SUPT6H: variants seen among roughly 807,000 people sequenced by gnomAD.
The protein encoded by SUPT6H is SPT6 homolog, histone chaperone and transcription elongation factor.
SUPT6H carries 11 observed loss-of-function variants against 222.3 expected under a neutral mutation model. The observed-to-expected ratio is 0.05, with a 90% CI of 0.03 to 0.08. The LOEUF (loss-of-function observed/expected upper bound fraction) is 0.08, where lower values mean the gene tolerates loss of function less well. SUPT6H is among the 10% of genes least tolerant of loss of function. The pLI is 1.00. For synonymous variants in SUPT6H, 762 were observed against 801.2 expected (o/e 0.95, Z 0.83); for missense variants, 1,422 against 2,216.0 (o/e 0.64, Z 7.19).
At chr17:28,673,572 T>A in intron 2 of SUPT6H, 62 bp downstream of exon 2, 1 of 1,295,902 alleles carries the variant, frequency 7.7e-7, no homozygotes, top group Non-Finnish European at 1.1e-6. Flanking sequence ...AGTTGGATTC[T>A]TGCTGATGAA....
chr17:28,684,632 G>A lies in SUPT6H; in HGVS notation c.2276G>A (p.Arg759Gln), dbSNP rs1174837865. 4 of 1,614,004 alleles carry A rather than the reference G, an allele frequency of 2.5e-6. No homozygotes were observed. Among genetic ancestry groups the A allele is most frequent in the Non-Finnish European group, 3.4e-6 (4 of 1,180,042 alleles). ...LYNWLRVAPY[R>Q]PDQQVEEDDD... ...AATTGGTTGAGAGTGGCACCCTACC[G>A]ACCAGATCAGCAGGTGGAAGAAGAT... The change falls in exon 18 of 37, where the codon CGA becomes CAA. Residue 759 changes from arginine to glutamine, a missense_variant. By Grantham distance (43) the Arg-to-Gln change is conservative. Around this residue, in one of 13 missense-constraint regions of SUPT6H, gnomAD observed 294 missense variants for 382.1 expected, o/e 0.77. Transcript: ENST00000314616.
rs531080972 is a variant in SUPT6H, at chr17:28,690,001, G to A, written c.3343-81G>A. The A allele has an allele frequency of 5.9e-6, 9 of 1,523,316 alleles. No homozygotes were observed. In the African/African-American group the frequency reaches 6.9e-5, roughly 12 times the overall value. The allele number at this position is 1,523,316 out of a possible 1,614,324, so 94.4% of individuals were successfully genotyped here. Reference sequence around the variant, plus strand: ...ACAGAAACTTACTCCCATCTGGAGAGGCCCGCCCCTTCCACGGGACTCCTT... The same window carrying A: ...ACAGAAACTTACTCCCATCTGGAGAAGCCCGCCCCTTCCACGGGACTCCTT... On this transcript the variant is annotated intron_variant, in intron 25 of 36. Coordinates refer to ENST00000314616, the MANE Select transcript of SUPT6H (RefSeq NM_003170.5).
At chr17:28,667,417 ATATATATATATATATATATG>A (rs1597683335) in intron 1 of SUPT6H, among the ~76,000 whole-genome samples, 2 of 129,818 alleles carry the variant, frequency 1.5e-5, no homozygotes, top group Non-Finnish European at 3.2e-5. Flanking sequence ...ATATATATAT[ATATATATATATATATATATG>A]TATGTGTGTG....
Position 28,676,272 on chromosome 17 carries a change from G to T in SUPT6H, c.739G>T (p.Ala247Ser). ...EEEYEYEDDE[A>S]EGEIRVRPKK... Reference sequence around the variant, plus strand: ...AGAGTATGAGTATGAGGATGATGAGGCTGAGGGTGAAATCCGAGTGCGCCC... The same window carrying T: ...AGAGTATGAGTATGAGGATGATGAGTCTGAGGGTGAAATCCGAGTGCGCCC... The change falls in exon 7 of 37, where the codon GCT becomes TCT. Residue 247 changes from alanine (A) to serine (S), a missense_variant. This residue lies in a region of SUPT6H where 389 missense variants were observed against 544.6 expected (regional missense o/e 0.71). Coordinates refer to ENST00000314616, the MANE Select transcript of SUPT6H (RefSeq NM_003170.5). 2 of 1,613,936 alleles carry T rather than the reference G, an allele frequency of 1.2e-6. No homozygotes were observed. Among genetic ancestry groups the T allele is most frequent in the Non-Finnish European group, 1.7e-6 (2 of 1,179,988 alleles).
At chr17:28,687,613 G>C in intron 23 of SUPT6H, 142 bp downstream of exon 23, 2 of 973,236 alleles carry the variant, frequency 2.1e-6, no homozygotes, top group Admixed American at 5.3e-5. Flanking sequence ...AGAGTCAAAA[G>C]AGTCTGACTT....
chr17:28,685,472 C>CATT (rs3076012), intron 19 of SUPT6H, among the ~76,000 whole-genome samples: 4,750 of 144,358 alleles, frequency 0.033, 122 homozygotes, highest in African/African-American at 0.073. Flanking sequence ...TTATTATTAT[C>CATT]ATTATTATTA....
chr17:28,677,683 T>C (rs369215554), intron 7 of SUPT6H, 32 bp from the exon 8 acceptor site: 11 of 1,507,272 alleles, frequency 7.3e-6, no homozygotes, highest in African/African-American at 1.4e-5. Context: ...CAAGATAAAG[T>C]CCGTCTCACC....
intron 1 of SUPT6H, 91 bp from the exon 2 acceptor site, chr17:28,673,280 G>C (rs2030541930): frequency 2.9e-6 from 2 of 686,660 alleles, no homozygotes; most frequent in Non-Finnish European, 5.2e-6. Flanking sequence ...AGCAGTGGCA[G>C]GTTGCTAAAA....
In SUPT6H at chr17:28,683,336, A is replaced by G; in HGVS notation, c.1947A>G (p.Arg649=). The change falls in exon 16 of 37, where the codon AGA becomes AGG. Residue 649 remains arginine (R), a synonymous_variant. Coordinates refer to ENST00000314616, the MANE Select transcript of SUPT6H (RefSeq NM_003170.5). ...AGAACAAGCCTGTTAAGGAACTGAG[A>G]GATGACCAGTTTCTCAAGATATGCC... ...YLKNKPVKEL[R]DDQFLKICLA... 8 of 1,614,184 alleles carry G rather than the reference A, an allele frequency of 5.0e-6. No homozygotes were observed. Among genetic ancestry groups the G allele is most frequent in the Non-Finnish European group, 6.8e-6 (8 of 1,180,040 alleles).
chr17:28,699,281 T>G (rs2032043725), intron 32 of SUPT6H, among the ~76,000 whole-genome samples: 1 of 152,132 alleles, frequency 6.6e-6, no homozygotes. Context: ...GTGTCATATG[T>G]GGTGAATGGC....
chr17:28,672,072 A>AC (rs1567685992), intron 1 of SUPT6H, among the ~76,000 whole-genome samples: 1 of 152,244 alleles, frequency 6.6e-6, no homozygotes, highest in East Asian at 1.9e-4. Flanking sequence ...AATGCTCCCA[A>AC]CCAGTACTCA....
At chr17:28,695,605 A>G in intron 29 of SUPT6H, 58 bp downstream of exon 29, 3 of 1,546,330 alleles carry the variant, frequency 1.9e-6, no homozygotes, top group Non-Finnish European at 2.6e-6. Context: ...CTCCCAGTGC[A>G]GGATTCAGGC....
chr17:28,687,595 A>G, intron 23 of SUPT6H, 124 bp downstream of exon 23: 1 of 1,087,818 alleles, frequency 9.2e-7, no homozygotes, highest in Non-Finnish European at 1.3e-6. Flanking sequence ...AAAATCACTC[A>G]GCTAGTGAGA....
chr17:28,681,377 C>G lies in SUPT6H; in HGVS notation c.1471C>G (p.Arg491Gly). ...CAAAGCTAGCCGCAAGAAGCTGAAGCGTGTCAGGGAAGAGGGAGATGAAGA... is the reference window on the plus strand; with the variant it reads ...CAAAGCTAGCCGCAAGAAGCTGAAGGGTGTCAGGGAAGAGGGAGATGAAGA... ...AAKASRKKLKRVREEGDEEGE... is the reference protein window; with the variant it reads ...AAKASRKKLKGVREEGDEEGE... Residue 491 changes from arginine to glycine, a missense_variant, in exon 12 of 37, where the codon CGT becomes GGT. Transcript: ENST00000314616. The G allele has an allele frequency of 6.2e-7, 1 of 1,609,054 alleles. No individual in the cohort carries two copies. The highest frequency in any genetic ancestry group is 8.5e-7 in the Non-Finnish European group (1 of 1,177,998).
intron 9 of SUPT6H, 147 bp from the exon 10 acceptor site, chr17:28,678,398 C>A: frequency 1.1e-6 from 1 of 884,044 alleles, no homozygotes; most frequent in Admixed American, 2.5e-5. Flanking sequence ...AGGAAAGCAC[C>A]AGGCCCTGGA....
chr17:28,698,042 T>G lies in SUPT6H; in HGVS notation c.4448+12T>G, dbSNP rs1434679948. The G allele has an allele frequency of 6.2e-7, 1 of 1,604,134 alleles. No individual in the cohort carries two copies. The highest frequency in any genetic ancestry group is 8.5e-7 in the Non-Finnish European group (1 of 1,179,138). The stretch of plus-strand genomic sequence containing the variant: ...CGGGGTAAACCCAGGTGAGCACTAG[T>G]GCTGAGAAGGTGCTGCCACTGGGGT... On this transcript the variant is annotated intron_variant, in intron 32 of 36. Transcript: ENST00000314616.
Position 28,673,424 on chromosome 17 carries a change from A to T in SUPT6H, c.23A>T (p.Glu8Val). 1 of 1,614,090 alleles carries T rather than the reference A, an allele frequency of 6.2e-7. No homozygotes were observed. The highest frequency in any genetic ancestry group is 1.1e-5 in the South Asian group (1 of 91,064). The part of the protein sequence containing the change: MSDFVES[E>V]AEESEEEYND... ...GCAATGTCTGATTTTGTGGAAAGCG[A>T]GGCTGAGGAGTCAGAGGAAGAATAC... Residue 8 changes from glutamate (E) to valine (V), a missense_variant, in exon 2 of 37, where the codon GAG (glutamate) becomes GTG (valine). Around this residue, in one of 13 missense-constraint regions of SUPT6H, gnomAD observed 89 missense variants for 118.9 expected, o/e 0.75. Coordinates refer to ENST00000314616, the MANE Select transcript of SUPT6H (RefSeq NM_003170.5).
chr17:28,687,957 G>A lies in SUPT6H; in HGVS notation c.3007-134G>A, dbSNP rs541342104. The A allele has an allele frequency of 4.6e-5, 38 of 820,624 alleles. No homozygotes were observed. The South Asian group carries it at 8.1e-4, about 18-fold the overall frequency. The allele number at this position is 820,624 out of a possible 1,614,324, so 50.8% of individuals were successfully genotyped here. ...TTTTTTTTTTTAATTTTGAGTGGTC[G>A]ATAGCATGCTGTAGTGCTCAACTAG... is the stretch of plus-strand genomic sequence containing the variant. On this transcript the variant is annotated intron_variant, in intron 23 of 36. Transcript: ENST00000314616.
chr17:28,675,078 G>T lies in SUPT6H; in HGVS notation c.454G>T (p.Asp152Tyr). Residue 152 changes from aspartate (D) to tyrosine (Y), a missense_variant, in exon 5 of 37, where the codon GAT becomes TAT. This residue lies in a region of SUPT6H where 389 missense variants were observed against 544.6 expected (regional missense o/e 0.71). Transcript: ENST00000314616. Reference protein sequence around the residue: ...KEAIAEEIFQDGEGEEGQEAM... With the variant: ...KEAIAEEIFQYGEGEEGQEAM... Reference sequence around the variant, plus strand: ...AGCTATTGCGGAAGAAATCTTCCAGGATGGGGAAGGGGAAGAAGGGCAGGA... The same window carrying T: ...AGCTATTGCGGAAGAAATCTTCCAGTATGGGGAAGGGGAAGAAGGGCAGGA... 1 of 1,614,200 alleles carries T rather than the reference G, an allele frequency of 6.2e-7. No homozygotes were observed. The highest frequency in any genetic ancestry group is 8.5e-7 in the Non-Finnish European group (1 of 1,180,030).
Sources: allele counts gnomAD v4.1 joint callset (sites outside exome capture counted in the v4.1 genomes callset), GRCh38; gene constraint gnomAD v4.1.1; regional missense constraint gnomAD v4.1.1; transcripts MANE v1.5; gene names NCBI Gene and HGNC (gene_info 2026-07-23, HGNC 2026-07-21).